Variants in NPAS3 observed in about 807,000 individuals in gnomAD.
The protein encoded by NPAS3 is neuronal PAS domain-containing protein 3.
Under a neutral mutation model 73.1 loss-of-function variants are expected in NPAS3, and 14 were observed. The observed-to-expected ratio is 0.19, with a 90% CI of 0.13 to 0.30. The LOEUF is 0.30. Ranked by LOEUF, NPAS3 falls within the 10% of genes least tolerant of loss-of-function variation. The pLI is 1.00. For missense variants in NPAS3, 1,096 were observed against 1,250.0 expected, an observed-to-expected ratio of 0.88 and a Z score of 1.86; for synonymous variants, 620 against 541.5, an observed-to-expected ratio of 1.14 and a Z score of -2.01.
chr14:33,550,746 C>T (rs1264244906), intron 4 of NPAS3, among the ~76,000 whole-genome samples: 2 of 152,202 alleles, frequency 1.3e-5, no homozygotes, highest in Non-Finnish European at 1.5e-5. Context: ...TAATTAACTT[C>T]CCTATAAATA....
At chr14:33,342,125 T>C (rs76459494) in intron 3 of NPAS3, among the ~76,000 whole-genome samples, 3,440 of 152,254 alleles carry the variant, frequency 0.023, 188 homozygotes, top group East Asian at 0.21. Context: ...AAATAAATTA[T>C]TTTTAAGGGA....
At chr14:33,491,040 A>G (rs1220009288) in intron 4 of NPAS3, among the ~76,000 whole-genome samples, 2 of 152,276 alleles carry the variant, frequency 1.3e-5, no homozygotes, top group East Asian at 3.9e-4. Context: ...TTGTAACCTC[A>G]AAGCAGATTC....
intron 4 of NPAS3, among the ~76,000 whole-genome samples, chr14:33,418,359 T>C (rs2048236604): frequency 6.6e-6 from 1 of 151,932 alleles, no homozygotes; most frequent in Non-Finnish European, 1.5e-5. Context: ...TGAAGAATGA[T>C]AATAGATAGT....
In NPAS3 at chr14:33,448,450, A is replaced by T. The variant is rs116713993; in HGVS notation, c.468+81182A>T. ...AAAGAAGCTCGTGAGCTCCATGCGGAAGGGTCGCTGAGGGCAAAGTGGTGC... is the reference window on the plus strand; with the variant it reads ...AAAGAAGCTCGTGAGCTCCATGCGGTAGGGTCGCTGAGGGCAAAGTGGTGC... On this transcript the variant is annotated intron_variant, in intron 4 of 11. Transcript: ENST00000356141. Among the ~76,000 whole-genome samples the T allele has an allele frequency of 5.1e-3, 770 of 152,248 alleles. 4 individuals carry two copies. Among genetic ancestry groups the T allele is most frequent in the African/African-American group, 0.017 (720 of 41,548 alleles).
At position 32,969,118 on chromosome 14, in the gene NPAS3, T is replaced by C. The variant is rs190279953; in HGVS notation, c.50+29752T>C. ...CAACACATGTGGTTGTGGACAGGCC[T>C]TAGTTCCTTGTGGCTGTCCTGGTAG... On this transcript the variant is annotated intron_variant, in intron 1 of 11. Coordinates refer to ENST00000356141, the Ensembl canonical transcript of NPAS3. Among the ~76,000 whole-genome samples the C allele has an allele frequency of 2.6e-5, 4 of 152,308 alleles. No homozygotes were observed. The East Asian group carries it at 7.7e-4, about 29-fold the overall frequency.
chr14:33,017,885 T>A (rs2039451561), intron 1 of NPAS3, among the ~76,000 whole-genome samples: 1 of 152,166 alleles, frequency 6.6e-6, no homozygotes, highest in East Asian at 1.9e-4. Context: ...GAAAATGAAA[T>A]CTAGGAGCAA....
Position 33,778,621 on chromosome 14 carries a change from T to A in NPAS3, c.1153+49T>A, listed in dbSNP as rs571225623. On this transcript the variant is annotated intron_variant, in intron 9 of 11. Coordinates refer to ENST00000356141, the Ensembl canonical transcript of NPAS3. ...ATAACCCCGGCTGGTGTCAGCAATC[T>A]CTGAGGCTTGTTTGGTTTCAGTGCT... The A allele has an allele frequency of 1.9e-5, 24 of 1,266,904 alleles. No individual in the cohort carries two copies. The South Asian group carries it at 2.6e-4, about 14-fold the overall frequency. 78.5% of individuals were successfully genotyped at this position (1,266,904 alleles called of 1,614,324 possible).
chr14:33,698,805 T>C (rs954672662), intron 6 of NPAS3, among the ~76,000 whole-genome samples: 15 of 152,156 alleles, frequency 9.9e-5, no homozygotes, highest in African/African-American at 3.6e-4. Flanking sequence ...CTATAGTTAA[T>C]CAATAGTGGA....
intron 4 of NPAS3, among the ~76,000 whole-genome samples, chr14:33,449,423 G>A (rs906428640): frequency 2.0e-5 from 3 of 152,134 alleles, no homozygotes; most frequent in African/African-American, 4.8e-5. Flanking sequence ...TACCACAGCT[G>A]AACTGAGTAG....
intron 4 of NPAS3, among the ~76,000 whole-genome samples, chr14:33,541,214 T>C (rs1163841077): frequency 6.6e-6 from 1 of 152,090 alleles, no homozygotes; most frequent in African/African-American, 2.4e-5. Flanking sequence ...GTTCACTTGC[T>C]GCAAAGGAAG....
intron 4 of NPAS3, among the ~76,000 whole-genome samples, chr14:33,406,860 C>G (rs181567523): frequency 2.6e-5 from 4 of 152,166 alleles, no homozygotes; most frequent in Admixed American, 2.6e-4. Context: ...GCAGACCCTT[C>G]TAATGGTTTG....
intron 2 of NPAS3, among the ~76,000 whole-genome samples, chr14:33,188,702 A>G (rs2046067071): frequency 6.6e-6 from 1 of 152,194 alleles, no homozygotes; most frequent in Non-Finnish European, 1.5e-5. Flanking sequence ...GGAGAAGATT[A>G]TATCTGCAAC....
chr14:33,475,771 T>C (rs2051000991), intron 4 of NPAS3, among the ~76,000 whole-genome samples: 1 of 152,072 alleles, frequency 6.6e-6, no homozygotes, highest in African/African-American at 2.4e-5. Context: ...CCTTTGTGAA[T>C]GGGAGAGAAA....
intron 3 of NPAS3, among the ~76,000 whole-genome samples, chr14:33,296,309 A>G (rs2042296767): frequency 6.6e-6 from 1 of 152,216 alleles, no homozygotes; most frequent in Non-Finnish European, 1.5e-5. Flanking sequence ...GACATCATTC[A>G]GTATGTGTAC....
intron 7 of NPAS3, among the ~76,000 whole-genome samples, chr14:33,748,623 C>T (rs1371766313): frequency 2.0e-5 from 3 of 152,162 alleles, no homozygotes; most frequent in African/African-American, 7.2e-5. Flanking sequence ...AAAATTTCAT[C>T]CCACTACCAG....
At chr14:33,448,146 T>A (rs974195078) in intron 4 of NPAS3, among the ~76,000 whole-genome samples, 1 of 152,186 alleles carries the variant, frequency 6.6e-6, no homozygotes, top group Non-Finnish European at 1.5e-5. Context: ...TTTTAAGACA[T>A]ATGTTAAAGA....
At chr14:33,677,566 CAAT>C (rs1421135439) in intron 6 of NPAS3, among the ~76,000 whole-genome samples, 1 of 151,374 alleles carries the variant, frequency 6.6e-6, no homozygotes, top group African/African-American at 2.4e-5. Flanking sequence ...ACTTCGAAGA[CAAT>C]AATTTGGCCT....
At chr14:32,988,325 A>G (rs567901117) in intron 1 of NPAS3, among the ~76,000 whole-genome samples, 1 of 152,226 alleles carries the variant, frequency 6.6e-6, no homozygotes, top group South Asian at 2.1e-4. Flanking sequence ...GGAAAAGGAC[A>G]GTTTTCTTTA....
At chr14:33,161,859 T>A (rs183776035) in intron 2 of NPAS3, among the ~76,000 whole-genome samples, 2,041 of 149,786 alleles carry the variant, frequency 0.014, 42 homozygotes, top group African/African-American at 0.049. Context: ...ATAAGGAATG[T>A]TGCATACATA....
Sources: gnomAD v4.1 joint callset for allele counts (sites outside exome capture counted in the v4.1 genomes callset) on GRCh38, gnomAD v4.1.1 for gene constraint, MANE v1.5 for transcripts, NCBI Gene and HGNC (gene_info 2026-07-23, HGNC 2026-07-21) for gene names.